The following MAML2 variants were observed in gnomAD, a reference collection of about 807,000 sequenced individuals.
MAML2 encodes the protein mastermind-like protein 2.
In MAML2, 22 loss-of-function variants were observed where a neutral mutation model predicts 96.1. The ratio of observed to expected loss-of-function variants is 0.23; its 90% CI spans 0.16 to 0.33. MAML2 has a LOEUF of 0.33. Ranked by LOEUF, MAML2 falls within the 10% of genes least tolerant of loss-of-function variation. The pLI is 1.00. For synonymous variants in MAML2, 561 were observed against 521.3 expected (o/e 1.08, Z -1.04); for missense variants, 1,367 against 1,392.4 (o/e 0.98, Z 0.29).
chr11:96,170,781 C>A (rs1246902420), intron 1 of MAML2, among the ~76,000 whole-genome samples: 1 of 152,166 alleles, frequency 6.6e-6, no homozygotes, highest in African/African-American at 2.4e-5. Flanking sequence ...GTGGCGTGAT[C>A]TTGGCTCACT....
chr11:96,075,025 G>T (rs922090279), intron 2 of MAML2, among the ~76,000 whole-genome samples: 3 of 152,200 alleles, frequency 2.0e-5, no homozygotes, highest in African/African-American at 7.2e-5. Context: ...AAACTTGAGC[G>T]TGACTCTTAA....
chr11:96,340,252 T>C (rs1379608173), intron 1 of MAML2, among the ~76,000 whole-genome samples: 1 of 152,184 alleles, frequency 6.6e-6, no homozygotes, highest in East Asian at 1.9e-4. Context: ...ACCATCTCCT[T>C]TGGGCTTTTT....
rs368382115 is a variant in MAML2 at position 96,092,518 on chromosome 11, C to T, written c.1513G>A (p.Gly505Ser). Reference sequence around the variant, plus strand: ...TAGTTAGCCATTACTTTCGACTGGCCGCTGCCGCCAGCTACCCCAGGCATG... The same window carrying T: ...TAGTTAGCCATTACTTTCGACTGGCTGCTGCCGCCAGCTACCCCAGGCATG... ...SPMPGVAGGSGQSKVMANYMY... is the reference protein window; with the variant it reads ...SPMPGVAGGSSQSKVMANYMY... Residue 505 changes from glycine to serine, a missense_variant, in exon 2 of 5, where the codon GGC becomes AGC. Physicochemically the swap from Gly to Ser is moderately conservative, Grantham distance 56 (BLOSUM62 0). Transcript: ENST00000524717. The surrounding 1 kb of genome is among the most constrained non-coding windows in gnomAD (Gnocchi z 4.1). 147 of 1,594,966 alleles carry T rather than the reference C, an allele frequency of 9.2e-5. No homozygotes were observed. The African/African-American group carries it at 1.3e-3, about 14-fold the overall frequency.
intron 1 of MAML2, among the ~76,000 whole-genome samples, chr11:96,169,087 C>G (rs1202640548): frequency 6.6e-6 from 1 of 152,198 alleles, no homozygotes; most frequent in African/African-American, 2.4e-5. Context: ...TTAAGTTTCT[C>G]TTAACCTTCC....
chr11:96,029,852 G>A (rs1184118109), intron 2 of MAML2, among the ~76,000 whole-genome samples: 1 of 152,116 alleles, frequency 6.6e-6, no homozygotes. Context: ...GTCAAACAGA[G>A]TTTTTTGTTT....
chr11:96,317,230 T>C (rs1863644681), intron 1 of MAML2, among the ~76,000 whole-genome samples: 1 of 152,144 alleles, frequency 6.6e-6, no homozygotes, highest in Non-Finnish European at 1.5e-5. Context: ...CATTGGTGCC[T>C]CTCAAGGCAC....
At chr11:96,061,325 C>T (rs796816592) in intron 2 of MAML2, among the ~76,000 whole-genome samples, 11 of 152,254 alleles carry the variant, frequency 7.2e-5, no homozygotes, top group African/African-American at 2.6e-4. Flanking sequence ...GCAATTTCAA[C>T]AGTTGGGTGA....
intron 1 of MAML2, among the ~76,000 whole-genome samples, chr11:96,326,701 G>A (rs1591134305): frequency 6.6e-6 from 1 of 151,866 alleles, no homozygotes; most frequent in Non-Finnish European, 1.5e-5. Context: ...TCGGGAGGCT[G>A]AGGCAGTGAG....
At chr11:96,041,285 G>A (rs1212006930) in intron 2 of MAML2, among the ~76,000 whole-genome samples, 1 of 150,796 alleles carries the variant, frequency 6.6e-6, no homozygotes, top group Non-Finnish European at 1.5e-5. Flanking sequence ...GAGGTCAGGA[G>A]TTCAAGACCA....
intron 1 of MAML2, among the ~76,000 whole-genome samples, chr11:96,278,233 A>T (rs1863017452): frequency 1.3e-5 from 2 of 151,828 alleles, no homozygotes; most frequent in Non-Finnish European, 2.9e-5. Flanking sequence ...ACTAAGGGGG[A>T]AAAAAAGGAA....
At chr11:96,295,937 A>AACAC (rs56231526) in intron 1 of MAML2, among the ~76,000 whole-genome samples, 19,759 of 137,614 alleles carry the variant, frequency 0.14, 1,489 homozygotes, top group Non-Finnish European at 0.16. Flanking sequence ...CAGAACAGTA[A>AACAC]ACACACACAC....
intron 2 of MAML2, among the ~76,000 whole-genome samples, chr11:96,045,668 A>G (rs1471376328): frequency 6.6e-6 from 1 of 152,240 alleles, no homozygotes. Context: ...AGAACAGGTC[A>G]CAGAGAAAAC....
intron 2 of MAML2, among the ~76,000 whole-genome samples, chr11:95,998,145 T>TGTCA (rs982997451): frequency 7.5e-6 from 1 of 133,920 alleles, no homozygotes. Context: ...TCTGTCAGTC[T>TGTCA]GTCTGTCTGT....
Position 96,093,328 on chromosome 11 carries a change from T to G in MAML2, c.703A>C (p.Met235Leu), listed in dbSNP as rs757228474. The G allele has an allele frequency of 6.2e-7, 1 of 1,614,004 alleles. No homozygotes were observed. Residue 235 changes from methionine (M) to leucine (L), a missense_variant, in exon 2 of 5, where the codon ATG (methionine) becomes CTG (leucine). By Grantham distance (15) the Met-to-Leu change is conservative (BLOSUM62 2). Coordinates refer to ENST00000524717, the MANE Select transcript of MAML2 (RefSeq NM_032427.4). ...GTCTTTCGCAGGGGTGCTTGGCTCA[T>G]AGGCAAGGTCCCTGACATAATCTGA... ...QSQIMSGTLP[M>L]SQAPLRKTNT...
chr11:96,223,653 A>G (rs1862172455), intron 1 of MAML2, among the ~76,000 whole-genome samples: 1 of 151,964 alleles, frequency 6.6e-6, no homozygotes, highest in African/African-American at 2.4e-5. Context: ...TGTTGTACAG[A>G]TAATTTCATC....
chr11:96,006,835 C>G (rs903822007), intron 2 of MAML2, among the ~76,000 whole-genome samples: 2 of 150,450 alleles, frequency 1.3e-5, no homozygotes, highest in Non-Finnish European at 3.0e-5. Context: ...GCTGAGATTA[C>G]AGGCGTGAGC....
chr11:96,328,751 A>G (rs1240207523), intron 1 of MAML2, among the ~76,000 whole-genome samples: 1 of 152,154 alleles, frequency 6.6e-6, no homozygotes. Flanking sequence ...AAATCCCTAA[A>G]CAGAGCTGAG....
intron 1 of MAML2, among the ~76,000 whole-genome samples, chr11:96,149,855 T>C (rs939502657): frequency 2.0e-5 from 3 of 152,148 alleles, no homozygotes; most frequent in Non-Finnish European, 4.4e-5. Context: ...CTTCTAAATT[T>C]CTCTGCTGAT....
chr11:96,163,846 C>T (rs1861150153), intron 1 of MAML2, among the ~76,000 whole-genome samples: 1 of 142,574 alleles, frequency 7.0e-6, no homozygotes, highest in Non-Finnish European at 1.5e-5. Flanking sequence ...AAATACTGAG[C>T]TTTCTTTCTC....
Sources: gnomAD v4.1 joint callset for allele counts (sites outside exome capture counted in the v4.1 genomes callset) on GRCh38, gnomAD v4.1.1 for gene constraint, Gnocchi (gnomAD v3.1) non-coding constraint, MANE v1.5 for transcripts, NCBI Gene and HGNC (gene_info 2026-07-23, HGNC 2026-07-21) for gene names.